Variants in GSE1 observed in about 807,000 individuals in gnomAD.
GSE1 encodes genetic suppressor element 1.
Under a neutral mutation model 112.6 loss-of-function variants are expected in GSE1, and 32 were observed. The observed-to-expected ratio is 0.28, with a 90% CI of 0.21 to 0.38. GSE1 has a LOEUF of 0.38. Ranked by LOEUF, GSE1 falls within the 10% of genes least tolerant of loss-of-function variation. The pLI is 1.00. For synonymous variants in GSE1, 1,115 were observed against 735.6 expected (o/e 1.52, Z -8.35); for missense variants, 2,348 against 1,699.2 (o/e 1.38, Z -6.71).
intron 2 of GSE1, among the ~76,000 whole-genome samples, chr16:85,391,760 C>T (rs928451412): frequency 6.6e-6 from 1 of 152,162 alleles, no homozygotes; most frequent in Admixed American, 6.5e-5. Context: ...GACATGTGTG[C>T]CCAAGGTCAC....
chr16:85,552,175 A>T (rs1355015551), upstream of GSE1, among the ~76,000 whole-genome samples: 1 of 150,740 alleles, frequency 6.6e-6, no homozygotes, highest in Non-Finnish European at 1.5e-5. Context: ...ACAGGTGCCC[A>T]CCACCACACC....
rs1191259403 is a variant in GSE1 at position 85,223,316 on chromosome 16, A to C, written c.2283+51509A>C. 2.6e-5 allele frequency among the ~76,000 whole-genome samples: 4 copies of C among 152,186 alleles called. No individual in the cohort carries two copies. The East Asian group carries it at 5.8e-4, about 22-fold the overall frequency. On this transcript the variant is annotated intron_variant, in intron 1 of 2. Transcript: ENST00000637419. The stretch of plus-strand genomic sequence containing the variant: ...GGCGCGTGGATCATTTGAGGTCAGG[A>C]GTTCGAGACCAGCCTGGCCAACATG...
At chr16:85,331,503 A>ATC (rs1417847769) in intron 1 of GSE1, among the ~76,000 whole-genome samples, 1 of 124,542 alleles carries the variant, frequency 8.0e-6, no homozygotes, top group Non-Finnish European at 1.7e-5. Context: ...GTATATGTGT[A>ATC]TATATGTATA....
At chr16:85,247,759 G>A (rs1186378882) in intron 1 of GSE1, among the ~76,000 whole-genome samples, 2 of 152,238 alleles carry the variant, frequency 1.3e-5, no homozygotes, top group Non-Finnish European at 2.9e-5. Flanking sequence ...ACTCAGGGAG[G>A]GAACGCGGGG....
At chr16:85,237,278 G>A (rs1015663643) in intron 1 of GSE1, among the ~76,000 whole-genome samples, 3 of 152,070 alleles carry the variant, frequency 2.0e-5, no homozygotes, top group Non-Finnish European at 2.9e-5. Context: ...TGCTGAGATC[G>A]CGCCACTGCA....
chr16:85,670,963 G>A (rs746540070), intron 14 of GSE1, 32 bp from the exon 15 acceptor site: 22 of 1,394,576 alleles, frequency 1.6e-5, no homozygotes, highest in East Asian at 2.3e-5. Context: ...TCCTGCATAC[G>A]GAAAATACAT....
intron 2 of GSE1, among the ~76,000 whole-genome samples, chr16:85,462,136 C>G (rs2049985526): frequency 6.6e-6 from 1 of 152,166 alleles, no homozygotes; most frequent in South Asian, 2.1e-4. Flanking sequence ...CACACACCCT[C>G]TGTCCCCAGC....
Position 85,651,471 on chromosome 16 carries a change from C to T in GSE1, c.426+2720C>T, listed in dbSNP as rs570763770. ...AGGAAGGTGCCATCTGGCCTGCGAG[C>T]AGGGCTTTGTCCTCGGCTGAGGGGA... On this transcript the variant is annotated intron_variant, in intron 3 of 15. Coordinates refer to ENST00000253458, the MANE Select transcript of GSE1 (RefSeq NM_014615.5). Among the ~76,000 whole-genome samples, 22 of 152,312 alleles carry T rather than the reference C, an allele frequency of 1.4e-4. No homozygotes were observed. In the East Asian group the frequency reaches 3.3e-3, roughly 23 times the overall value.
chr16:85,337,258 A>G (rs1271553285), intron 1 of GSE1, among the ~76,000 whole-genome samples: 1 of 148,092 alleles, frequency 6.8e-6, no homozygotes, highest in Non-Finnish European at 1.5e-5. Context: ...GACAGGCCTG[A>G]GGGGAGGCCC....
intron 1 of GSE1, among the ~76,000 whole-genome samples, chr16:85,588,423 C>A (rs989898119): frequency 6.6e-6 from 1 of 152,198 alleles, no homozygotes; most frequent in Admixed American, 6.5e-5. Flanking sequence ...AGTGTGGGAA[C>A]GGCTTTATGA....
At chr16:85,555,387 C>G (rs113699324), upstream of GSE1, 2 of 983,658 alleles carry the variant, frequency 2.0e-6, no homozygotes, top group East Asian at 1.1e-4. Context: ...AGGGAGATAA[C>G]CAAAAAAGGG....
intron 1 of GSE1, among the ~76,000 whole-genome samples, chr16:85,316,737 G>A (rs1226181220): frequency 2.0e-5 from 3 of 152,220 alleles, no homozygotes; most frequent in Non-Finnish European, 4.4e-5. Context: ...CTCCGCAGGG[G>A]TTACCATCCA....
chr16:85,379,566 G>C (rs533086426), intron 2 of GSE1, among the ~76,000 whole-genome samples: 8 of 152,318 alleles, frequency 5.3e-5, no homozygotes, highest in African/African-American at 1.9e-4. Context: ...GGGACCCCTG[G>C]GTTCTCATGG....
At chr16:85,192,816 G>A (rs1175235032) in intron 1 of GSE1, among the ~76,000 whole-genome samples, 1 of 152,136 alleles carries the variant, frequency 6.6e-6, no homozygotes, top group African/African-American at 2.4e-5. Context: ...GAGAGAAGGC[G>A]ATGGGGTCGA....
At chr16:85,310,585 C>T (rs1174493331) in intron 1 of GSE1, among the ~76,000 whole-genome samples, 6 of 149,972 alleles carry the variant, frequency 4.0e-5, no homozygotes, top group Non-Finnish European at 8.9e-5. Flanking sequence ...GTCCTTGTTG[C>T]TTCTCCCTTT....
intron 1 of GSE1, among the ~76,000 whole-genome samples, chr16:85,626,214 G>A (rs1410465230): frequency 6.6e-6 from 1 of 151,572 alleles, no homozygotes; most frequent in Non-Finnish European, 1.5e-5. Context: ...GGGTCTCCCC[G>A]CCCCCTCCCT....
At chr16:85,310,108 C>T (rs1194015375) in intron 1 of GSE1, among the ~76,000 whole-genome samples, 3 of 152,242 alleles carry the variant, frequency 2.0e-5, no homozygotes, top group Non-Finnish European at 2.9e-5. Context: ...CCGCCTGGCA[C>T]TCAGCTAGGG....
intron 1 of GSE1, among the ~76,000 whole-genome samples, chr16:85,627,008 C>T (rs1158748564): frequency 7.4e-6 from 1 of 135,806 alleles, no homozygotes; most frequent in Non-Finnish European, 1.5e-5. Context: ...CAGCCTTGTC[C>T]CTCTCCACTG....
chr16:85,486,183 C>G (rs541989091), intron 2 of GSE1, among the ~76,000 whole-genome samples: 3 of 152,322 alleles, frequency 2.0e-5, no homozygotes, highest in Non-Finnish European at 2.9e-5. Flanking sequence ...TTCCTCCCTG[C>G]CTGCCTCTCT....
Sources: gnomAD v4.1 joint callset for allele counts (sites outside exome capture counted in the v4.1 genomes callset) on GRCh38, gnomAD v4.1.1 for gene constraint, MANE v1.5 for transcripts, NCBI Gene and HGNC (gene_info 2026-07-23, HGNC 2026-07-21) for gene names.